Variants in SAMD3 observed in about 807,000 individuals in gnomAD.
SAMD3 encodes the protein sterile alpha motif domain containing 3.
In SAMD3, 63 loss-of-function variants were observed where a neutral mutation model predicts 58.5. That is an observed-to-expected ratio of 1.08 (90% confidence interval 0.88 to 1.33). The LOEUF (loss-of-function observed/expected upper bound fraction) is 1.33, where lower values mean the gene tolerates loss of function less well. Among genes scored for constraint, SAMD3 ranks in the 40% most tolerant of loss-of-function variants. The pLI is 0.00. For missense variants in SAMD3, 604 were observed against 608.4 expected, an observed-to-expected ratio of 0.99 and a Z score of 0.08; for synonymous variants, 220 against 210.3, an observed-to-expected ratio of 1.05 and a Z score of -0.40.
At chr6:130,321,727 G>A (rs1776592156) in intron 1 of SAMD3, among the ~76,000 whole-genome samples, 2 of 124,898 alleles carry the variant, frequency 1.6e-5, no homozygotes, top group African/African-American at 7.4e-5. Context: ...GATGAGAACA[G>A]CATCTTATAT....
chr6:130,310,344 G>A (rs1297167171), intron 2 of SAMD3, among the ~76,000 whole-genome samples: 6 of 152,062 alleles, frequency 3.9e-5, no homozygotes, highest in Non-Finnish European at 5.9e-5. Context: ...ACCCTCATAA[G>A]GAGAATTTTT....
chr6:130,228,918 C>A (rs10447419), intron 2 of SAMD3, among the ~76,000 whole-genome samples: 37,429 of 152,124 alleles, frequency 0.25, 5,221 homozygotes, highest in East Asian at 0.47. Context: ...GGAAACAATA[C>A]ATTATTACAG....
intron 9 of SAMD3, among the ~76,000 whole-genome samples, chr6:130,150,143 T>C (rs1389757222): frequency 6.6e-6 from 1 of 152,144 alleles, no homozygotes; most frequent in Non-Finnish European, 1.5e-5. Flanking sequence ...GTATTTCATT[T>C]CTCTGCTGAG....
intron 2 of SAMD3, among the ~76,000 whole-genome samples, chr6:130,289,684 G>A (rs992668406): frequency 4.6e-5 from 7 of 152,136 alleles, no homozygotes; most frequent in African/African-American, 1.7e-4. Context: ...ATTTTCAGCA[G>A]AGATGGGGTT....
intron 5 of SAMD3, among the ~76,000 whole-genome samples, chr6:130,195,588 A>T (rs988971755): frequency 6.6e-6 from 1 of 152,074 alleles, no homozygotes; most frequent in African/African-American, 2.4e-5. Context: ...CTAGATCTCA[A>T]ACATGCTTTC....
chr6:130,262,512 T>G (rs1209361488), intron 2 of SAMD3, among the ~76,000 whole-genome samples: 1 of 149,690 alleles, frequency 6.7e-6, no homozygotes, highest in Non-Finnish European at 1.5e-5. Flanking sequence ...TTAATTACCA[T>G]ACAAAGGTCC....
chr6:130,168,902 A>G (rs549693967), intron 8 of SAMD3, among the ~76,000 whole-genome samples: 124 of 152,272 alleles, frequency 8.1e-4, no homozygotes, highest in Non-Finnish European at 1.2e-3. Flanking sequence ...TCCCTGGCTC[A>G]AGCGGTTCTC....
chr6:130,308,420 ATT>A (rs1776018725), intron 2 of SAMD3, among the ~76,000 whole-genome samples: 1 of 114,582 alleles, frequency 8.7e-6, no homozygotes, highest in Non-Finnish European at 1.9e-5. Context: ...ATTCTATTCT[ATT>A]CTATTCTATT....
intron 2 of SAMD3, among the ~76,000 whole-genome samples, chr6:130,294,946 G>A (rs1359875497): frequency 1.0e-4 from 4 of 38,562 alleles, no homozygotes; most frequent in African/African-American, 5.5e-4. Context: ...TTTTTTTTAC[G>A]GAGTTTTGCT....
At position 130,266,288 on chromosome 6, in the gene SAMD3, C is replaced by T. The variant is rs552643386; in HGVS notation, c.-187-43475G>A. ...CAATTAGCTGAGCATGTAGCCCAGT[C>T]TCTCAATGTCACTTCATGTTATGTA... On this transcript the variant is annotated intron_variant, in intron 2 of 13. Coordinates refer to the SAMD3 transcript ENST00000368134. Among the ~76,000 whole-genome samples, 13 of 152,212 alleles carry T rather than the reference C, an allele frequency of 8.5e-5. No homozygotes were observed. In the South Asian group the frequency reaches 2.7e-3, roughly 32 times the overall value.
chr6:130,188,243 C>T (rs1162119484), intron 5 of SAMD3, among the ~76,000 whole-genome samples: 1 of 152,202 alleles, frequency 6.6e-6, no homozygotes. Context: ...AAAGATGGCT[C>T]TGTTAAGAAC....
chr6:130,320,167 G>A (rs1776537343), intron 1 of SAMD3, among the ~76,000 whole-genome samples: 4 of 152,072 alleles, frequency 2.6e-5, no homozygotes, highest in Admixed American at 2.6e-4. Flanking sequence ...TCTAATAAAA[G>A]ACTCAGATCC....
At chr6:130,244,809 A>T (rs1187768655) in intron 2 of SAMD3, among the ~76,000 whole-genome samples, 1 of 152,140 alleles carries the variant, frequency 6.6e-6, no homozygotes, top group Non-Finnish European at 1.5e-5. Flanking sequence ...TGCAGATGCC[A>T]TAGGGTTGCT....
rs566693014 is a variant in SAMD3 at position 130,220,084 on chromosome 6, C to T, written c.-68+2610G>A. Among the ~76,000 whole-genome samples, 7 of 152,274 alleles carry T rather than the reference C, an allele frequency of 4.6e-5. No individual in the cohort carries two copies. In the East Asian group the frequency reaches 1.3e-3, roughly 29 times the overall value. ...TGGCACTATCTCGGCTCATTGCAAC[C>T]TCCACCTCCCGGATTCAAGCCATTC... On this transcript the variant is annotated intron_variant, in intron 1 of 11. Coordinates refer to ENST00000439090, the MANE Select transcript of SAMD3 (RefSeq NM_001017373.4).
At chr6:130,286,866 C>T (rs916394949) in intron 2 of SAMD3, among the ~76,000 whole-genome samples, 5 of 152,122 alleles carry the variant, frequency 3.3e-5, no homozygotes, top group African/African-American at 9.7e-5. Context: ...CACACAACCA[C>T]GCCTGGCTAA....
At chr6:130,290,159 G>GGTGTGT (rs71814905) in intron 2 of SAMD3, among the ~76,000 whole-genome samples, 1 of 151,310 alleles carries the variant, frequency 6.6e-6, no homozygotes, top group African/African-American at 2.4e-5. Context: ...ACCAATATGG[G>GGTGTGT]GTGTGTGTGT....
chr6:130,330,853 T>A (rs1161463169), intron 1 of SAMD3, among the ~76,000 whole-genome samples: 1 of 152,178 alleles, frequency 6.6e-6, no homozygotes, highest in Non-Finnish European at 1.5e-5. Flanking sequence ...AGTCTCTAGG[T>A]CACTTGGTAC....
At chr6:130,147,092 A>T (rs1462812844) in intron 9 of SAMD3, among the ~76,000 whole-genome samples, 1 of 152,144 alleles carries the variant, frequency 6.6e-6, no homozygotes, top group Non-Finnish European at 1.5e-5. Context: ...CCACTGCCTG[A>T]ACTCTTCCCC....
chr6:130,173,556 G>A (rs145435914), intron 8 of SAMD3, among the ~76,000 whole-genome samples: 3,476 of 152,284 alleles, frequency 0.023, 118 homozygotes, highest in African/African-American at 0.074. Flanking sequence ...TGGAAGCTTC[G>A]TCCCAGAGGG....
Sources: gnomAD v4.1 joint callset for allele counts (sites outside exome capture counted in the v4.1 genomes callset) on GRCh38, gnomAD v4.1.1 for gene constraint, MANE v1.5 for transcripts, NCBI Gene and HGNC (gene_info 2026-07-23, HGNC 2026-07-21) for gene names.